The following MREG variants were observed in gnomAD, a reference collection of about 807,000 sequenced individuals.
MREG encodes the protein melanoregulin, also known as dilute suppressor protein homolog.
In MREG, 31 loss-of-function variants were observed where a neutral mutation model predicts 28.5. The observed-to-expected ratio is 1.09, with a 90% CI of 0.82 to 1.47. The LOEUF (loss-of-function observed/expected upper bound fraction) is 1.47. Among genes scored for constraint, MREG ranks in the 40% most tolerant of loss-of-function variants. MREG has a pLI of 0.00. For missense variants in MREG, 256 were observed against 257.4 expected (o/e 0.99, Z 0.04); for synonymous variants, 106 against 95.2 (o/e 1.11, Z -0.66).
At chr2:215,990,833 A>G (rs1165796534) in intron 2 of MREG, among the ~76,000 whole-genome samples, 1 of 152,242 alleles carries the variant, frequency 6.6e-6, no homozygotes, top group Non-Finnish European at 1.5e-5. Flanking sequence ...TCAACGCAAC[A>G]AAAAGAGCTA....
chr2:216,007,610 A>T (rs1694194255), intron 1 of MREG, among the ~76,000 whole-genome samples: 2 of 151,770 alleles, frequency 1.3e-5, no homozygotes, highest in Non-Finnish European at 2.9e-5. Context: ...TTGTATTTTT[A>T]GTAGAGATGG....
intron 2 of MREG, among the ~76,000 whole-genome samples, chr2:215,957,341 G>C (rs1692651655): frequency 6.6e-6 from 1 of 152,152 alleles, no homozygotes; most frequent in Admixed American, 6.5e-5. Context: ...ACACCACCTT[G>C]GTGCTTCCTC....
Position 216,013,301 on chromosome 2 carries a change from G to T in MREG, c.27C>A (p.Thr9=). 1 of 1,549,530 alleles carries T rather than the reference G, an allele frequency of 6.5e-7. No individual in the cohort carries two copies. The highest frequency in any genetic ancestry group is 2.4e-5 in the East Asian group (1 of 40,868). Residue 9 remains threonine (T), a synonymous_variant, in exon 1 of 5, where the codon ACC becomes ACA. Transcript: ENST00000263268. ...ACTCGCACCCGCAGCAGCAGCACAC[G>T]GTTCTCAGCCAGTCCCTCAGCCCCA... MGLRDWLR[T]VCCCCGCECL...
chr2:216,023,276 G>C (rs1272231083), intron 1 of MREG, among the ~76,000 whole-genome samples: 13 of 152,210 alleles, frequency 8.5e-5, no homozygotes, highest in Non-Finnish European at 1.5e-5. Context: ...AGTCTCTTTG[G>C]AGATGGGGCT....
Position 215,943,936 on chromosome 2 carries a change from T to A in MREG, c.*927A>T, listed in dbSNP as rs1283604088. ...ACCAGATATCAATAATGTTGGGAAT[T>A]TAAAATGCAAGTACAACACATGAAT... is the stretch of plus-strand genomic sequence containing the variant. On this transcript the variant is annotated 3_prime_UTR_variant, in exon 5 of 5. Transcript: ENST00000263268. 6.7e-6 allele frequency among the ~76,000 whole-genome samples: 1 copy of A among 149,358 alleles called. No individual in the cohort carries two copies. Among genetic ancestry groups the A allele is most frequent in the Non-Finnish European group, 1.5e-5 (1 of 67,574 alleles).
chr2:215,958,672 C>A (rs1692698948), intron 2 of MREG, among the ~76,000 whole-genome samples: 1 of 152,210 alleles, frequency 6.6e-6, no homozygotes, highest in African/African-American at 2.4e-5. Context: ...TCACCAGCCC[C>A]CAGCAATCTG....
chr2:215,948,108 C>A (rs749098946), intron 2 of MREG, among the ~76,000 whole-genome samples: 8 of 152,200 alleles, frequency 5.3e-5, no homozygotes, highest in Non-Finnish European at 1.2e-4. Flanking sequence ...ACTCCTCTAA[C>A]TGAAAATGTT....
intron 2 of MREG, among the ~76,000 whole-genome samples, chr2:215,962,487 G>A (rs927970863): frequency 6.6e-6 from 1 of 152,168 alleles, no homozygotes; most frequent in Non-Finnish European, 1.5e-5. Context: ...GCTCTGCAAG[G>A]AAGAAAGATA....
intron 2 of MREG, among the ~76,000 whole-genome samples, chr2:215,968,716 T>C (rs368385521): frequency 2.0e-5 from 3 of 152,132 alleles, no homozygotes; most frequent in Non-Finnish European, 2.9e-5. Context: ...CTATGAGTAA[T>C]TGGTAACTTA....
At chr2:215,954,445 A>AACACACACACACACACACACACAC (rs3078454) in intron 2 of MREG, among the ~76,000 whole-genome samples, 21 of 136,524 alleles carry the variant, frequency 1.5e-4, no homozygotes, top group East Asian at 8.7e-4. Flanking sequence ...ATCTGTGTAC[A>AACACACACACACACACACACACAC]ACACACACAC....
At chr2:215,945,411 GAT>G (rs1184636068) in intron 4 of MREG, among the ~76,000 whole-genome samples, 158 bp downstream of exon 4, 5 of 152,184 alleles carry the variant, frequency 3.3e-5, no homozygotes, top group Non-Finnish European at 5.9e-5. Flanking sequence ...AGGTGATTCT[GAT>G]GCTGCGGGCC....
downstream of MREG, chr2:215,939,338 T>C (rs892211830): frequency 6.6e-6 from 1 of 152,202 alleles, no homozygotes; most frequent in South Asian, 2.1e-4. Flanking sequence ...TATTTCCCCA[T>C]AATCTTGTGA....
chr2:216,004,021 A>T (rs922011162), intron 1 of MREG, among the ~76,000 whole-genome samples: 1 of 152,218 alleles, frequency 6.6e-6, no homozygotes, highest in East Asian at 1.9e-4. Context: ...GATAAGCCAA[A>T]GTCCTGCAGT....
At chr2:215,967,675 C>T (rs1244536316) in intron 2 of MREG, among the ~76,000 whole-genome samples, 1 of 152,122 alleles carries the variant, frequency 6.6e-6, no homozygotes, top group African/African-American at 2.4e-5. Flanking sequence ...AAGTAGAGGC[C>T]AGCAAACTTT....
downstream of MREG, among the ~76,000 whole-genome samples, chr2:215,939,809 A>G (rs1325273137): frequency 6.6e-6 from 1 of 152,230 alleles, no homozygotes; most frequent in Non-Finnish European, 1.5e-5. Flanking sequence ...AATGCTAACT[A>G]TATGTCTCTA....
chr2:215,975,629 G>A (rs574946444), intron 2 of MREG, among the ~76,000 whole-genome samples: 2 of 152,240 alleles, frequency 1.3e-5, no homozygotes, highest in East Asian at 3.9e-4. Context: ...GTCCATTCGG[G>A]CAGAGATTTT....
upstream of MREG, among the ~76,000 whole-genome samples, chr2:216,033,200 T>G (rs927654407): frequency 6.6e-6 from 1 of 152,180 alleles, no homozygotes; most frequent in Non-Finnish European, 1.5e-5. Context: ...ATTACCATGT[T>G]GCCAATCTCA....
chr2:215,950,004 G>A (rs962051540), intron 2 of MREG, among the ~76,000 whole-genome samples: 4 of 152,194 alleles, frequency 2.6e-5, no homozygotes, highest in Non-Finnish European at 5.9e-5. Flanking sequence ...GAGCTACACT[G>A]TGCTTATTCT....
intron 2 of MREG, 99 bp downstream of exon 2, chr2:215,996,207 C>T: frequency 8.0e-7 from 1 of 1,245,282 alleles, no homozygotes; most frequent in Middle Eastern, 2.0e-4. Flanking sequence ...ACATTTCATC[C>T]TTCATTCTTT....
Sources: gnomAD v4.1 joint callset for allele counts (sites outside exome capture counted in the v4.1 genomes callset) on GRCh38, gnomAD v4.1.1 for gene constraint, MANE v1.5 for transcripts, NCBI Gene and HGNC (gene_info 2026-07-23, HGNC 2026-07-21) for gene names.